The following HPD variants were observed in gnomAD, a reference collection of about 807,000 sequenced individuals.
HPD encodes the protein 4-hydroxyphenylpyruvate dioxygenase.
HPD carries 35 observed loss-of-function variants against 56.9 expected under a neutral mutation model. That is an observed-to-expected ratio of 0.62 (90% CI 0.47 to 0.82). HPD has a LOEUF of 0.82. HPD is among the 40% of genes least tolerant of loss of function. The pLI is 0.00. For missense variants in HPD, 442 were observed against 506.8 expected, an observed-to-expected ratio of 0.87 and a Z score of 1.23; for synonymous variants, 186 against 200.2, an observed-to-expected ratio of 0.93 and a Z score of 0.60.
Position 121,847,167 on chromosome 12 carries a change from G to C in HPD, c.644C>G (p.Thr215Arg). Residue 215 changes from threonine to arginine, a missense_variant, in exon 10 of 14, where the codon ACG becomes AGG. Physicochemically the swap from Thr to Arg is moderately conservative, Grantham distance 71. Coordinates refer to ENST00000289004, the MANE Select transcript of HPD (RefSeq NM_002150.3). ...AGAGCTATATTCCGTGTGCACCTGC[G>C]TGTCATCCACGGACCAGAAGCGGTG... The part of the protein sequence containing the change: ...QFHRFWSVDD[T>R]QVHTEYSSLR... The C allele has an allele frequency of 1.2e-6, 2 of 1,614,154 alleles. No individual in the cohort carries two copies. The highest frequency in any genetic ancestry group is 1.7e-6 in the Non-Finnish European group (2 of 1,180,008).
intron 6 of HPD, 194 bp downstream of exon 6, chr12:121,856,130 A>G: frequency 1.5e-6 from 1 of 663,250 alleles, no homozygotes; most frequent in South Asian, 1.7e-5. Context: ...GGTGTGTGTC[A>G]CACCAGCATC....
chr12:121,869,937 G>C, the HPD span, among the ~76,000 whole-genome samples: 58 of 151,920 alleles, frequency 3.8e-4, 1 homozygote, highest in African/African-American at 1.4e-3. Flanking sequence ...GAAGTGGGCT[G>C]ATTATTATTA....
At chr12:121,840,772 AT>A (rs1478700038) in intron 12 of HPD, among the ~76,000 whole-genome samples, 2 of 151,492 alleles carry the variant, frequency 1.3e-5, no homozygotes, top group Admixed American at 6.6e-5. Flanking sequence ...TAAAATACGG[AT>A]TAAAAAAAAA....
chr12:121,859,408 G>A (rs1008285067), upstream of HPD, among the ~76,000 whole-genome samples: 1 of 152,098 alleles, frequency 6.6e-6, no homozygotes, highest in African/African-American at 2.4e-5. Context: ...AGATAAGCAC[G>A]CTCTTTGGAA....
At chr12:121,867,881 G>T (rs1768949868), upstream of HPD, among the ~76,000 whole-genome samples, 1 of 152,166 alleles carries the variant, frequency 6.6e-6, no homozygotes, top group Non-Finnish European at 1.5e-5. Flanking sequence ...TGTTGCCCAG[G>T]CTGGTCTTGA....
chr12:121,887,729 C>T, the HPD span, among the ~76,000 whole-genome samples: 4 of 152,130 alleles, frequency 2.6e-5, no homozygotes, highest in Admixed American at 6.6e-5. Flanking sequence ...ATTGCATATC[C>T]GCCTCCTTTC....
At chr12:121,876,426 C>T in the HPD span, among the ~76,000 whole-genome samples, 2 of 152,106 alleles carry the variant, frequency 1.3e-5, no homozygotes, top group Non-Finnish European at 2.9e-5. Context: ...AGGTGGGAGG[C>T]CCCCATGATA....
intron 3 of HPD, 113 bp from the exon 4 acceptor site, chr12:121,857,545 A>G (rs1483804798): frequency 1.1e-6 from 1 of 909,850 alleles, no homozygotes; most frequent in Non-Finnish European, 1.8e-6. Context: ...CCTCAGGGGC[A>G]GAGACCCTCC....
chr12:121,867,671 G>T (rs1878361229), upstream of HPD, among the ~76,000 whole-genome samples: 1 of 151,928 alleles, frequency 6.6e-6, no homozygotes, highest in Non-Finnish European at 1.5e-5. Flanking sequence ...ACATCACCAT[G>T]CCTGGCTAAT....
chr12:121,878,102 T>C, the HPD span, among the ~76,000 whole-genome samples: 10 of 152,282 alleles, frequency 6.6e-5, no homozygotes, highest in Admixed American at 4.6e-4. Flanking sequence ...TGGAACCAGA[T>C]AGAGGTGGTG....
At chr12:121,849,539 T>A (rs1034211386) in intron 8 of HPD, 148 bp downstream of exon 8, 1 of 647,918 alleles carries the variant, frequency 1.5e-6, no homozygotes. Flanking sequence ...CTGTGCCACC[T>A]CTTCAAGCAC....
At chr12:121,864,146 T>C (rs1035567622), upstream of HPD, among the ~76,000 whole-genome samples, 6 of 150,654 alleles carry the variant, frequency 4.0e-5, no homozygotes, top group African/African-American at 4.9e-5. Flanking sequence ...CTCAGGAGGC[T>C]GAGGCAGGAG....
chr12:121,859,417 A>T (rs1197900893), upstream of HPD, among the ~76,000 whole-genome samples: 1 of 152,160 alleles, frequency 6.6e-6, no homozygotes, highest in Non-Finnish European at 1.5e-5. Context: ...CGCTCTTTGG[A>T]ACAGGACCTG....
chr12:121,864,114 T>C (rs1592926917), upstream of HPD, among the ~76,000 whole-genome samples: 1 of 146,842 alleles, frequency 6.8e-6, no homozygotes, highest in Admixed American at 6.8e-5. Flanking sequence ...GGCATGGTGG[T>C]ACACACCTGT....
rs767347674 is a variant in HPD at position 121,857,438 on chromosome 12, T to TCA, written c.94-8_94-7dup. ...CTGCAGTAGAATGACGTGGCCTGAA[T>TCA]CACAGGGTTGCAGCAGGGTTCATGA... On this transcript the variant is annotated splice_region_variant and splice_polypyrimidine_tract_variant and intron_variant, in intron 3 of 13. Transcript: ENST00000289004. The TCA allele has an allele frequency of 6.3e-7, 1 of 1,598,650 alleles. No homozygotes were observed. Among genetic ancestry groups the TCA allele is most frequent in the Non-Finnish European group, 8.6e-7 (1 of 1,165,912 alleles).
chr12:121,848,162 C>T (rs1877647630), intron 9 of HPD, among the ~76,000 whole-genome samples: 1 of 152,084 alleles, frequency 6.6e-6, no homozygotes, highest in Non-Finnish European at 1.5e-5. Flanking sequence ...CCCCAGGGTT[C>T]CTCAGAAGGA....
At chr12:121,848,024 A>G (rs1370060784) in intron 9 of HPD, among the ~76,000 whole-genome samples, 1 of 152,176 alleles carries the variant, frequency 6.6e-6, no homozygotes. Flanking sequence ...AACGAAATAC[A>G]TACAGGACGG....
intron 7 of HPD, among the ~76,000 whole-genome samples, chr12:121,851,546 G>A (rs1444957485): frequency 2.1e-5 from 3 of 142,682 alleles, no homozygotes; most frequent in Non-Finnish European, 4.6e-5. Context: ...GTTTTGCCAC[G>A]TTGGCCAGGC....
chr12:121,888,248 C>T, the HPD span, among the ~76,000 whole-genome samples: 2 of 152,120 alleles, frequency 1.3e-5, no homozygotes, highest in Admixed American at 6.6e-5. Context: ...TATTTGTTAG[C>T]AGAAGGACAG....
Sources: allele counts gnomAD v4.1 joint callset (sites outside exome capture counted in the v4.1 genomes callset), GRCh38; gene constraint gnomAD v4.1.1; transcripts MANE v1.5; gene names NCBI Gene and HGNC (gene_info 2026-07-23, HGNC 2026-07-21).